The following MYH11 variants were observed in gnomAD, a reference collection of about 807,000 sequenced individuals.
MYH11 encodes the protein myosin-11.
MYH11 carries 80 observed loss-of-function variants against 246.6 expected under a neutral mutation model. The observed-to-expected ratio is 0.32, with a 90% CI of 0.27 to 0.39. The LOEUF (loss-of-function observed/expected upper bound fraction) is 0.39, where lower values mean the gene tolerates loss of function less well. Among genes scored for constraint, MYH11 ranks in the 10% least tolerant of loss-of-function variants. The probability of loss-of-function intolerance (pLI) is 1.00; values close to 1 mark genes in which losing one functional copy is unlikely to be tolerated. For synonymous variants in MYH11, 1,071 were observed against 1,015.5 expected (o/e 1.05, Z -1.04); for missense variants, 2,158 against 2,546.8 (o/e 0.85, Z 3.29).
intron 1 of MYH11, among the ~76,000 whole-genome samples, chr16:15,851,226 C>G (rs765815623): frequency 2.0e-5 from 3 of 152,178 alleles, no homozygotes; most frequent in African/African-American, 7.2e-5. Flanking sequence ...CAGGGAGAGG[C>G]ACTGGGCACT....
intron 36 of MYH11, 179 bp downstream of exon 36, chr16:15,719,041 T>A: frequency 1.5e-6 from 1 of 663,650 alleles, no homozygotes; most frequent in Non-Finnish European, 2.7e-6. Context: ...GGCAGGAGAA[T>A]TGCTTGAACC....
At chr16:15,717,377 G>C (rs200437188) in intron 37 of MYH11, 29 bp from the exon 38 acceptor site, 1 of 1,600,708 alleles carries the variant, frequency 6.2e-7, no homozygotes, top group South Asian at 1.1e-5. Context: ...GCCATGAGGC[G>C]GACTCAGGGA....
At chr16:15,739,311 G>C (rs2041207774) in intron 23 of MYH11, among the ~76,000 whole-genome samples, 1 of 152,050 alleles carries the variant, frequency 6.6e-6, no homozygotes, top group South Asian at 2.1e-4. Context: ...GTGTTGGCCA[G>C]GCTGGTCTCC....
intron 34 of MYH11, among the ~76,000 whole-genome samples, 179 bp downstream of exon 34, chr16:15,719,972 G>A (rs2040380773): frequency 6.6e-6 from 1 of 152,116 alleles, no homozygotes; most frequent in Admixed American, 6.5e-5. Context: ...TAATAATGCT[G>A]CCCTACCCAG....
intron 12 of MYH11, among the ~76,000 whole-genome samples, chr16:15,758,775 G>C (rs1419140217): frequency 6.6e-6 from 1 of 151,526 alleles, no homozygotes; most frequent in African/African-American, 2.4e-5. Flanking sequence ...ACTCCGGCCT[G>C]GGCAACAGAG....
chr16:15,755,223 T>C (rs572253617), intron 14 of MYH11, among the ~76,000 whole-genome samples: 2 of 152,336 alleles, frequency 1.3e-5, no homozygotes, highest in South Asian at 4.1e-4. Context: ...CAGACTAAGC[T>C]ATGTCCTTTG....
At chr16:15,825,253 T>C (rs2043528549) in intron 2 of MYH11, among the ~76,000 whole-genome samples, 1 of 151,838 alleles carries the variant, frequency 6.6e-6, no homozygotes, top group African/African-American at 2.4e-5. Context: ...TTTGAGGCTA[T>C]AAAAATGCTC....
chr16:15,809,921 C>A (rs2043100338), intron 3 of MYH11, among the ~76,000 whole-genome samples: 1 of 152,086 alleles, frequency 6.6e-6, no homozygotes, highest in African/African-American at 2.4e-5. Flanking sequence ...GACTCTGTCT[C>A]AAAAAAGCCC....
intron 3 of MYH11, among the ~76,000 whole-genome samples, chr16:15,803,519 C>T (rs562936597): frequency 3.3e-5 from 5 of 152,072 alleles, no homozygotes; most frequent in Non-Finnish European, 4.4e-5. Flanking sequence ...TCAGGTGATC[C>T]GCCCGCCTCA....
At chr16:15,742,051 G>A in intron 20 of MYH11, 160 bp from the exon 21 acceptor site, 2 of 1,168,404 alleles carry the variant, frequency 1.7e-6, no homozygotes, top group South Asian at 1.3e-5. Context: ...CAGCTGGGGT[G>A]GGGGGTGCCT....
At chr16:15,832,362 G>T (rs902378249) in intron 2 of MYH11, among the ~76,000 whole-genome samples, 3 of 152,116 alleles carry the variant, frequency 2.0e-5, no homozygotes, top group African/African-American at 7.2e-5. Flanking sequence ...ACTGTCTACA[G>T]AGACAAAGCA....
Position 15,724,674 on chromosome 16 carries a change from C to T in MYH11, c.4089G>A (p.Glu1363=). Reference sequence around the variant, plus strand: ...GGATGTTGAGAGTGGAGATGTGGCGCTCCAGGTTCTGCTTGGCCTCCATCT... The same window carrying T: ...GGATGTTGAGAGTGGAGATGTGGCGTTCCAGGTTCTGCTTGGCCTCCATCT... ...DEEMEAKQNL[E]RHISTLNIQL... Residue 1363 remains glutamate (E), a synonymous_variant, in exon 30 of 41, where the codon GAG becomes GAA. Coordinates refer to ENST00000300036, the MANE Select transcript of MYH11 (RefSeq NM_002474.3). The T allele has an allele frequency of 6.2e-7, 1 of 1,614,220 alleles. No individual in the cohort carries two copies. The highest frequency in any genetic ancestry group is 8.5e-7 in the Non-Finnish European group (1 of 1,180,038).
At chr16:15,729,158 C>T (rs2040885247) in intron 27 of MYH11, among the ~76,000 whole-genome samples, 1 of 151,852 alleles carries the variant, frequency 6.6e-6, no homozygotes, top group South Asian at 2.1e-4. Flanking sequence ...AAGCGGGGAC[C>T]CTAGGGGACA....
chr16:15,717,127 C>T lies in MYH11; in HGVS notation c.5504+13G>A, dbSNP rs2040195537. ...CCCCTGCAAACTGGGTTCGGAACTCCACACCCGCATACCTGGCCTCCTGCT... is the reference window on the plus strand; with the variant it reads ...CCCCTGCAAACTGGGTTCGGAACTCTACACCCGCATACCTGGCCTCCTGCT... On this transcript the variant is annotated intron_variant, in intron 38 of 40. Transcript: ENST00000300036. The T allele has an allele frequency of 1.2e-6, 2 of 1,614,162 alleles. No homozygotes were observed. Among genetic ancestry groups the T allele is most frequent in the South Asian group, 1.1e-5 (1 of 91,092 alleles).
In MYH11 at chr16:15,825,286, T is replaced by C. The variant is rs191576111; in HGVS notation, c.346-1875A>G. On this transcript the variant is annotated intron_variant, in intron 2 of 40. Coordinates refer to ENST00000300036, the MANE Select transcript of MYH11 (RefSeq NM_002474.3). ...CTCTGGGGCCAAGTGTAGTGGCTCA[T>C]GCCTGTAATCCCAGCACTTTGGGAG... is the stretch of plus-strand genomic sequence containing the variant. Among the ~76,000 whole-genome samples the C allele has an allele frequency of 9.7e-4, 147 of 151,286 alleles. 1 individual carries two copies. The highest frequency in any genetic ancestry group is 3.5e-3 in the African/African-American group (146 of 41,206).
chr16:15,756,145 CATG>C (rs545936338), intron 14 of MYH11, among the ~76,000 whole-genome samples, 193 bp downstream of exon 14: 2 of 152,228 alleles, frequency 1.3e-5, no homozygotes, highest in Non-Finnish European at 2.9e-5. Flanking sequence ...GGTTGGAAAA[CATG>C]AGAGTGGCTA....
chr16:15,794,566 T>A (rs1035225964), intron 4 of MYH11, among the ~76,000 whole-genome samples: 2 of 152,198 alleles, frequency 1.3e-5, no homozygotes, highest in Non-Finnish European at 2.9e-5. Context: ...TTCCAGGAGA[T>A]GGAGATACAC....
intron 16 of MYH11, among the ~76,000 whole-genome samples, chr16:15,748,578 G>T (rs1228252385): frequency 6.6e-6 from 1 of 151,986 alleles, no homozygotes; most frequent in Non-Finnish European, 1.5e-5. Context: ...CCACCCACCT[G>T]GTCTCTCTCT....
At chr16:15,771,508 C>A in intron 9 of MYH11, 61 bp downstream of exon 9, 1 of 1,538,184 alleles carries the variant, frequency 6.5e-7, no homozygotes, top group Admixed American at 1.7e-5. Flanking sequence ...GAGAAGAGTT[C>A]TTAACAGGTT....
Sources: allele counts gnomAD v4.1 joint callset (sites outside exome capture counted in the v4.1 genomes callset), GRCh38; gene constraint gnomAD v4.1.1; transcripts MANE v1.5; gene names NCBI Gene and HGNC (gene_info 2026-07-23, HGNC 2026-07-21).